Variants in ANKRD55 observed in about 807,000 individuals in gnomAD.
ANKRD55 encodes the protein ankyrin repeat domain-containing protein 55.
ANKRD55 carries 41 observed loss-of-function variants against 60.6 expected under a neutral mutation model. The ratio of observed to expected loss-of-function variants is 0.68; its 90% CI spans 0.53 to 0.88. The LOEUF (loss-of-function observed/expected upper bound fraction) is 0.88, where lower values mean the gene tolerates loss of function less well. ANKRD55 is among the 40% of genes least tolerant of loss of function. The pLI is 0.00. For missense variants in ANKRD55, 732 were observed against 767.6 expected (o/e 0.95, Z 0.55); for synonymous variants, 264 against 290.3 (o/e 0.91, Z 0.92).
chr5:56,191,662 C>G (rs1166989079), intron 2 of ANKRD55, among the ~76,000 whole-genome samples: 1 of 152,182 alleles, frequency 6.6e-6, no homozygotes, highest in Non-Finnish European at 1.5e-5. Context: ...GATGACCTCT[C>G]TTGGCTAGAT....
chr5:56,199,531 T>C lies in ANKRD55; in HGVS notation c.59-15897A>G, dbSNP rs1031036938. 3.9e-5 allele frequency among the ~76,000 whole-genome samples: 6 copies of C among 152,152 alleles called. No homozygotes were observed. In the South Asian group the frequency reaches 1.2e-3, roughly 32 times the overall value. ...TGTTTCTTAAAGTGGCTTTTGAACA[T>C]TTTTAAACAGTTGATTTAAATAATG... On this transcript the variant is annotated intron_variant, in intron 2 of 11. Coordinates refer to ENST00000341048, the MANE Select transcript of ANKRD55 (RefSeq NM_024669.3).
chr5:56,203,570 G>A (rs868451672), intron 2 of ANKRD55, among the ~76,000 whole-genome samples: 3 of 152,074 alleles, frequency 2.0e-5, no homozygotes, highest in Admixed American at 6.6e-5. Flanking sequence ...CCACCTATGA[G>A]TGAGAACATG....
chr5:56,184,957 A>T (rs1758936435), intron 2 of ANKRD55, among the ~76,000 whole-genome samples: 1 of 151,586 alleles, frequency 6.6e-6, no homozygotes, highest in Non-Finnish European at 1.5e-5. Context: ...GCAGTGGCTC[A>T]TGCCTGTAAT....
chr5:56,190,440 G>C (rs897119158), intron 2 of ANKRD55, among the ~76,000 whole-genome samples: 1 of 152,032 alleles, frequency 6.6e-6, no homozygotes, highest in Non-Finnish European at 1.5e-5. Flanking sequence ...TTTTTTCTAT[G>C]AGTTTTACAG....
At chr5:56,140,399 G>T (rs1029523404) in intron 7 of ANKRD55, among the ~76,000 whole-genome samples, 1 of 152,200 alleles carries the variant, frequency 6.6e-6, no homozygotes, top group Non-Finnish European at 1.5e-5. Flanking sequence ...TTAGCCTTTT[G>T]TGGGTAGTCA....
intron 9 of ANKRD55, among the ~76,000 whole-genome samples, chr5:56,112,511 A>AAAAAAAAAACAAAAAAC (rs61268045): frequency 1.2e-5 from 1 of 81,528 alleles, no homozygotes; most frequent in African/African-American, 5.4e-5. Flanking sequence ...TAGCAAAAAA[A>AAAAAAAAAACAAAAAAC]AAAAAAAAAA....
chr5:56,112,511 A>AAAAAAAAAAAAAAAAAAAAAACAAAAAC lies in ANKRD55; in HGVS notation c.966-730_966-729insGTTTTTGTTTTTTTTTTTTTTTTTTTTT. On this transcript the variant is annotated intron_variant, in intron 9 of 11. Coordinates refer to ENST00000341048, the MANE Select transcript of ANKRD55 (RefSeq NM_024669.3). ...GCAGGATCTCATCTCTAGCAAAAAA[A>AAAAAAAAAAAAAAAAAAAAAACAAAAAC]AAAAAAAAAAACAACCAAGGAAAGA... Among the ~76,000 whole-genome samples, 69 of 81,498 alleles carry AAAAAAAAAAAAAAAAAAAAAACAAAAAC rather than the reference A, an allele frequency of 8.5e-4. 2 individuals are homozygous for AAAAAAAAAAAAAAAAAAAAAACAAAAAC. Among genetic ancestry groups the AAAAAAAAAAAAAAAAAAAAAACAAAAAC allele is most frequent in the African/African-American group, 3.1e-3 (57 of 18,518 alleles). The allele number at this position is 81,498 out of a possible 152,430, so 53.5% of individuals were successfully genotyped here. A position where few individuals can be genotyped will look rare whatever the true frequency, so the allele number is the denominator to read the frequency against.
At chr5:56,110,206 G>T (rs1229687698) in intron 10 of ANKRD55, among the ~76,000 whole-genome samples, 1 of 150,008 alleles carries the variant, frequency 6.7e-6, no homozygotes, top group Non-Finnish European at 1.5e-5. Flanking sequence ...CCACCAGCCT[G>T]GGAAACACAG....
At position 56,176,152 on chromosome 5, in the gene ANKRD55, C is replaced by G. The variant is rs1490265544; in HGVS notation, c.312G>C (p.Leu104=). ...CCCTGTGACAGGCACAAGTCAGTACCAGGTAGGTGGCCAGGCATAAACTTG... is the reference window on the plus strand; with the variant it reads ...CCCTGTGACAGGCACAAGTCAGTACGAGGTAGGTGGCCAGGCATAAACTTG... ...GRTSLCLATY[L]GWLEGCVSLL... The change falls in exon 4 of 12, where the codon CTG becomes CTC. Residue 104 remains leucine, a splice_region_variant and synonymous_variant. Coordinates refer to ENST00000341048, the MANE Select transcript of ANKRD55 (RefSeq NM_024669.3). 1 of 1,614,164 alleles carries G rather than the reference C, an allele frequency of 6.2e-7. No individual in the cohort carries two copies. Among genetic ancestry groups the G allele is most frequent in the African/African-American group, 1.3e-5 (1 of 75,042 alleles).
In ANKRD55 at chr5:56,150,802, G is replaced by A. The variant is rs539593586; in HGVS notation, c.484-6873C>T. Reference sequence around the variant, plus strand: ...TAATCCCAGCTACTCGGTAGGCTGAGGCAGGAGAATCACTTGAACCCTGGA... The same window carrying A: ...TAATCCCAGCTACTCGGTAGGCTGAAGCAGGAGAATCACTTGAACCCTGGA... On this transcript the variant is annotated intron_variant, in intron 6 of 11. Transcript: ENST00000341048. Among the ~76,000 whole-genome samples, 11 of 152,294 alleles carry A rather than the reference G, an allele frequency of 7.2e-5. No homozygotes were observed. In the South Asian group the frequency reaches 1.2e-3, roughly 17 times the overall value.
rs1561277603 is a variant in ANKRD55 at position 56,166,095 on chromosome 5, T to TTTCTTTCTTTCTTTCTTTCTTTCTTTC, written c.422+4572_422+4598dup. On this transcript the variant is annotated intron_variant, in intron 5 of 11. Coordinates refer to ENST00000341048, the MANE Select transcript of ANKRD55 (RefSeq NM_024669.3). Reference sequence around the variant, plus strand: ...GGGATCTTTCTTTTCTTTTTCTTTCTTTCTTTCTTTCTTTCTTTCTTTCTT... The same window carrying TTTCTTTCTTTCTTTCTTTCTTTCTTTC: ...GGGATCTTTCTTTTCTTTTTCTTTCTTTCTTTCTTTCTTTCTTTCTTTCTTTCTTCTTTCTTTCTTTCTTTCTTTCTT... Among the ~76,000 whole-genome samples, 137 of 27,238 alleles carry TTTCTTTCTTTCTTTCTTTCTTTCTTTC rather than the reference T, an allele frequency of 5.0e-3. 1 individual carries two copies. Among genetic ancestry groups the TTTCTTTCTTTCTTTCTTTCTTTCTTTC allele is most frequent in the African/African-American group, 9.5e-3 (89 of 9,344 alleles). The allele number at this position is 27,238 out of a possible 152,430, so 17.9% of individuals were successfully genotyped here.
chr5:56,102,403 AG>A, intron 11 of ANKRD55, 90 bp downstream of exon 11: 7 of 1,006,016 alleles, frequency 7.0e-6, no homozygotes, highest in Non-Finnish European at 4.4e-6. Flanking sequence ...AAAAAAAAAA[AG>A]AAAAATGAAA....
intron 7 of ANKRD55, chr5:56,127,441 C>T: frequency 1.0e-6 from 1 of 985,126 alleles, no homozygotes; most frequent in Non-Finnish European, 1.2e-6. Flanking sequence ...ACCTAGACAA[C>T]AACTTGCTCA....
rs1224825458 is a variant in ANKRD55, at chr5:56,140,270, C to CAGCTGACATTTGGAATT, written c.612+3514_612+3530dup. On this transcript the variant is annotated intron_variant, in intron 7 of 11. Transcript: ENST00000341048. ...AAGAAGGCAAGTGTAATAATGATTT[C>CAGCTGACATTTGGAATT]AGCTGACATTTGGAATTACCCTCAG... Among the ~76,000 whole-genome samples, 5 of 152,300 alleles carry CAGCTGACATTTGGAATT rather than the reference C, an allele frequency of 3.3e-5. No individual in the cohort carries two copies. The East Asian group carries it at 9.6e-4, about 29-fold the overall frequency.
chr5:56,139,506 T>C (rs1757696771), intron 7 of ANKRD55, among the ~76,000 whole-genome samples: 1 of 152,180 alleles, frequency 6.6e-6, no homozygotes, highest in Non-Finnish European at 1.5e-5. Flanking sequence ...TAAGCAGATA[T>C]TCTGTAGGCA....
intron 2 of ANKRD55, among the ~76,000 whole-genome samples, chr5:56,207,090 C>G (rs1175559024): frequency 6.6e-6 from 1 of 152,204 alleles, no homozygotes; most frequent in Non-Finnish European, 1.5e-5. Flanking sequence ...GTGAATCGCC[C>G]TTCTATCCTC....
At chr5:56,223,413 A>C (rs1280151576) in intron 2 of ANKRD55, among the ~76,000 whole-genome samples, 3 of 152,246 alleles carry the variant, frequency 2.0e-5, no homozygotes, top group Non-Finnish European at 4.4e-5. Context: ...CAAATTGTAA[A>C]GACCATTGAT....
intron 2 of ANKRD55, among the ~76,000 whole-genome samples, chr5:56,214,128 GA>G (rs531045272): frequency 1.2e-3 from 186 of 152,304 alleles, no homozygotes; most frequent in Admixed American, 2.8e-3. Flanking sequence ...CAGTATGGGG[GA>G]AACCACCCCC....
chr5:56,105,881 T>A (rs1756448311), intron 10 of ANKRD55, among the ~76,000 whole-genome samples: 1 of 152,222 alleles, frequency 6.6e-6, no homozygotes, highest in South Asian at 2.1e-4. Flanking sequence ...AAATGCACAC[T>A]TTTTTACTTT....
Sources: gnomAD v4.1 joint callset for allele counts (sites outside exome capture counted in the v4.1 genomes callset) on GRCh38, gnomAD v4.1.1 for gene constraint, MANE v1.5 for transcripts, NCBI Gene and HGNC (gene_info 2026-07-23, HGNC 2026-07-21) for gene names.